The following MUC12 variants were observed in gnomAD, a reference collection of about 807,000 sequenced individuals.
MUC12 encodes the protein mucin-12.
In MUC12, 172 loss-of-function variants were observed where a neutral mutation model predicts 230.8. The ratio of observed to expected loss-of-function variants is 0.75; its 90% CI spans 0.66 to 0.85. MUC12 has a LOEUF of 0.85. Among genes scored for constraint, MUC12 ranks in the 40% least tolerant of loss-of-function variants. The pLI is 0.00. For missense variants in MUC12, 3,506 were observed against 5,920.6 expected, an observed-to-expected ratio of 0.59 and a Z score of 13.38; for synonymous variants, 1,259 against 2,401.9, an observed-to-expected ratio of 0.52 and a Z score of 13.91.
intron 11 of MUC12, 92 bp downstream of exon 11, chr7:101,017,755 A>ACTCC: frequency 1.3e-6 from 1 of 761,216 alleles, no homozygotes; most frequent in East Asian, 3.4e-5. Context: ...TCCCCCTGGG[A>ACTCC]CTCCCTTCTC....
rs200208357 is a variant in MUC12 at position 101,004,375 on chromosome 7, G to A, written c.13812G>A (p.Ala4604=). 1.4e-4 allele frequency: 196 copies of A among 1,451,166 alleles called. 1 individual carries two copies. Among genetic ancestry groups the A allele is most frequent in the Non-Finnish European group, 1.6e-4 (177 of 1,100,194 alleles). The allele number at this position is 1,451,166 out of a possible 1,614,324, so 89.9% of individuals were successfully genotyped here. The change falls in exon 2 of 12, where the codon GCG becomes GCA. Residue 4604 remains alanine, a synonymous_variant. Transcript: ENST00000536621. ...CAGGCCTCGTTGAAGAATCTACGGC[G>A]TACCACAGCAGCCCGGGCTCAACTC... ...TTSGLVEEST[A]YHSSPGSTQT...
intron 1 of MUC12, among the ~76,000 whole-genome samples, chr7:100,976,321 T>C (rs925190948): frequency 2.7e-5 from 4 of 149,594 alleles, no homozygotes; most frequent in African/African-American, 9.9e-5. Context: ...ATTGCAAATA[T>C]TCGGCCAGGC....
chr7:100,988,100 G>A (rs1030049196), intron 1 of MUC12, among the ~76,000 whole-genome samples: 1 of 151,832 alleles, frequency 6.6e-6, no homozygotes, highest in Non-Finnish European at 1.5e-5. Flanking sequence ...AGGAGTTCGA[G>A]ATCTGCCTGG....
chr7:100,979,197 C>A (rs1015479471), intron 1 of MUC12, among the ~76,000 whole-genome samples: 4 of 152,138 alleles, frequency 2.6e-5, no homozygotes, highest in Admixed American at 6.6e-5. Flanking sequence ...CAACTTAATT[C>A]ATTTAATGAG....
chr7:100,990,531 C>A, intron 1 of MUC12, 100 bp from the exon 2 acceptor site: 1 of 1,389,548 alleles, frequency 7.2e-7, no homozygotes. Context: ...ATGGGCTGAC[C>A]AGGTGTCTTC....
At position 100,995,691 on chromosome 7, in the gene MUC12, G is replaced by A; in HGVS notation, c.5128G>A (p.Val1710Ile). The A allele has an allele frequency of 2.6e-6, 4 of 1,537,110 alleles. No individual in the cohort carries two copies. The stretch of plus-strand genomic sequence containing the variant: ...ACCTCCTACTACCACATCAGCCTTT[G>A]TTGAGCTATCTACAACCTCCCACGG... Reference protein sequence around the residue: ...PAPPTTTSAFVELSTTSHGSP... With the variant: ...PAPPTTTSAFIELSTTSHGSP... The change falls in exon 2 of 12, where the codon GTT becomes ATT. Residue 1710 changes from valine to isoleucine, a missense_variant. By Grantham distance (29) the Val-to-Ile change is conservative. Coordinates refer to ENST00000536621, the MANE Select transcript of MUC12 (RefSeq NM_001164462.2).
chr7:101,010,858 C>T (rs953847105), intron 5 of MUC12, among the ~76,000 whole-genome samples: 6 of 152,040 alleles, frequency 3.9e-5, no homozygotes, highest in Admixed American at 1.3e-4. Flanking sequence ...CTATGTTGCC[C>T]GGGCTGGTCT....
chr7:100,983,836 T>C (rs1391890721), intron 1 of MUC12, among the ~76,000 whole-genome samples: 1 of 152,208 alleles, frequency 6.6e-6, no homozygotes, highest in Non-Finnish European at 1.5e-5. Flanking sequence ...ATTCTACTTT[T>C]ATAACGTAAA....
chr7:100,969,779 C>T, intron 1 of MUC12, 90 bp downstream of exon 1: 1 of 19,164 alleles, frequency 5.2e-5, no homozygotes, highest in Non-Finnish European at 5.9e-5. Flanking sequence ...CTGCAGGTGG[C>T]CTCCTCCCCT....
chr7:101,012,758 C>T, intron 6 of MUC12, 61 bp from the exon 7 acceptor site: 1 of 1,507,506 alleles, frequency 6.6e-7, no homozygotes, highest in Non-Finnish European at 8.9e-7. Context: ...GGCCTGGCTA[C>T]CCCCAGGGAG....
chr7:100,981,482 G>A (rs1387812831), intron 1 of MUC12: 3 of 505,592 alleles, frequency 5.9e-6, no homozygotes, highest in African/African-American at 4.0e-5. Context: ...AGGGCTGCAG[G>A]AGCCAGAGAG....
In MUC12 at chr7:100,991,828, C is replaced by T; in HGVS notation, c.1265C>T (p.Thr422Ile). The T allele has an allele frequency of 6.5e-7, 1 of 1,537,712 alleles. No individual in the cohort carries two copies. The highest frequency in any genetic ancestry group is 8.7e-7 in the Non-Finnish European group (1 of 1,146,834). The change falls in exon 2 of 12, where the codon ACA becomes ATA. Residue 422 changes from threonine to isoleucine, a missense_variant. Transcript: ENST00000536621. The stretch of plus-strand genomic sequence containing the variant: ...AGCAGCCTGGGCTCAACTGAAACAA[C>T]ACACTTCCGTGATAGCTCCACAATC... The part of the protein sequence containing the change: ...YHSSLGSTET[T>I]HFRDSSTISG...
intron 1 of MUC12, among the ~76,000 whole-genome samples, chr7:100,982,439 T>TG (rs1793123205): frequency 8.4e-5 from 12 of 143,464 alleles, no homozygotes; most frequent in Admixed American, 3.5e-4. Context: ...TCTTTTCTTT[T>TG]CTTTTTTTTT....
chr7:100,991,042 G>C lies in MUC12; in HGVS notation c.479G>C (p.Gly160Ala). ...TLSPARTTSS[G>A]VSEKSTTSHS... ...TCACCTGCCCGCACGACAAGCTCAG[G>C]CGTCAGTGAAAAATCAACCACCTCC... Residue 160 changes from glycine to alanine, a missense_variant, in exon 2 of 12, where the codon GGC becomes GCC. Physicochemically the swap from Gly to Ala is moderately conservative, Grantham distance 60. Coordinates refer to ENST00000536621, the MANE Select transcript of MUC12 (RefSeq NM_001164462.2). The C allele has an allele frequency of 6.5e-7, 1 of 1,537,582 alleles. No homozygotes were observed. Among genetic ancestry groups the C allele is most frequent in the Non-Finnish European group, 8.7e-7 (1 of 1,146,892 alleles).
At chr7:100,980,244 T>C (rs920069923) in intron 1 of MUC12, among the ~76,000 whole-genome samples, 1 of 152,154 alleles carries the variant, frequency 6.6e-6, no homozygotes, top group African/African-American at 2.4e-5. Context: ...AGTTTCACCA[T>C]GTTGGCCAGG....
chr7:100,981,357 G>T, intron 1 of MUC12: 1 of 621,606 alleles, frequency 1.6e-6, no homozygotes, highest in Non-Finnish European at 2.9e-6. Context: ...TGGTTCCCTT[G>T]TCCCTCCTGC....
Position 100,991,362 on chromosome 7 carries a change from A to G in MUC12, c.799A>G (p.Ser267Gly), listed in dbSNP as rs61749513. The G allele has an allele frequency of 7.2e-5, 111 of 1,537,610 alleles. No individual in the cohort carries two copies. The highest frequency in any genetic ancestry group is 3.4e-4 in the East Asian group (14 of 40,902). The change falls in exon 2 of 12, where the codon AGC (serine) becomes GGC (glycine). Residue 267 changes from serine (S) to glycine (G), a missense_variant. Coordinates refer to ENST00000536621, the MANE Select transcript of MUC12 (RefSeq NM_001164462.2). The part of the protein sequence containing the change: ...GSPHTTLSPS[S>G]STTHEGEPTT... ...GCCACACACAACACTGTCCCCTTCCAGCTCTACAACCCATGAGGGAGAACC... is the reference window on the plus strand; with the variant it reads ...GCCACACACAACACTGTCCCCTTCCGGCTCTACAACCCATGAGGGAGAACC...
At chr7:100,982,327 C>T (rs984480335) in intron 1 of MUC12, among the ~76,000 whole-genome samples, 2 of 152,204 alleles carry the variant, frequency 1.3e-5, no homozygotes, top group African/African-American at 4.8e-5. Context: ...CTTTTACTCA[C>T]CTCTGGGACC....
rs1793635049 is a variant in MUC12, at chr7:101,002,939, T to G, written c.12376T>G (p.Leu4126Val). 7.9e-7 allele frequency: 1 copy of G among 1,262,602 alleles called. No individual in the cohort carries two copies. Among genetic ancestry groups the G allele is most frequent in the African/African-American group, 1.7e-5 (1 of 59,304 alleles). 78.2% of individuals were successfully genotyped at this position (1,262,602 alleles called of 1,614,324 possible). A position where few individuals can be genotyped will look rare whatever the true frequency, so the allele number is the denominator to read the frequency against. ...ACACTTTTCTGCCAGTTCCACAACCTTGGGCCGTAGTGAGGAATCAACAAC... is the reference window on the plus strand; with the variant it reads ...ACACTTTTCTGCCAGTTCCACAACCGTGGGCCGTAGTGAGGAATCAACAAC... ...TTHFSASSTT[L>V]GRSEESTTVH... Residue 4126 changes from leucine (L) to valine (V), a missense_variant, in exon 2 of 12, where the codon TTG becomes GTG. Physicochemically the swap from Leu to Val is conservative, Grantham distance 32. Transcript: ENST00000536621.
Sources: gnomAD v4.1 joint callset for allele counts (sites outside exome capture counted in the v4.1 genomes callset) on GRCh38, gnomAD v4.1.1 for gene constraint, MANE v1.5 for transcripts, NCBI Gene and HGNC (gene_info 2026-07-23, HGNC 2026-07-21) for gene names.